HELZ: variants seen among roughly 807,000 people sequenced by gnomAD.
HELZ encodes ATP-dependent RNA helicase with zinc finger domain.
Under a neutral mutation model 218.2 loss-of-function variants are expected in HELZ, and 23 were observed. That is an observed-to-expected ratio of 0.11 (90% CI 0.08 to 0.15). The LOEUF is 0.15. Ranked by LOEUF, HELZ falls within the 10% of genes least tolerant of loss-of-function variation. The probability of loss-of-function intolerance (pLI) is 1.00; values close to 1 mark genes in which losing one functional copy is unlikely to be tolerated. For missense variants in HELZ, 1,813 were observed against 2,353.7 expected (o/e 0.77, Z 4.75); for synonymous variants, 814 against 829.4 (o/e 0.98, Z 0.32).
chr17:67,125,301 T>TAC (rs2037752472), intron 24 of HELZ, among the ~76,000 whole-genome samples: 1 of 18,818 alleles, frequency 5.3e-5, no homozygotes, highest in Non-Finnish European at 1.1e-4. Context: ...TATATATATA[T>TAC]ATATATATAT....
intron 31 of HELZ, among the ~76,000 whole-genome samples, chr17:67,094,434 A>C (rs1406879148): frequency 1.3e-5 from 2 of 151,492 alleles, no homozygotes; most frequent in Non-Finnish European, 2.9e-5. Context: ...GAGATATTGC[A>C]GGTTTGGTGA....
intron 19 of HELZ, 68 bp downstream of exon 19, chr17:67,149,799 A>C (rs2038617760): frequency 4.6e-6 from 4 of 863,854 alleles, no homozygotes; most frequent in Non-Finnish European, 1.8e-6. Flanking sequence ...ATGTTTTAGA[A>C]ATAGAATATT....
rs763035672 is a variant in HELZ at position 67,166,515 on chromosome 17, T to C, written c.1858A>G (p.Ile620Val). The C allele has an allele frequency of 8.7e-6, 14 of 1,613,338 alleles. No homozygotes were observed. The East Asian group carries it at 1.6e-4, about 18-fold the overall frequency. The change falls in exon 15 of 33, where the codon ATC (isoleucine) becomes GTC (valine). Residue 620 changes from isoleucine to valine, a missense_variant. Ile to Val is a conservative substitution (Grantham distance 29). Transcript: ENST00000358691. ...CATGGTATGGTGGGAGTCATACTGA[T>C]GTCTGGAAACAAAACCCCATTGTCC... ...IKDNGVLFPDISMTPTIPWSP... is the reference protein window; with the variant it reads ...IKDNGVLFPDVSMTPTIPWSP...
intron 13 of HELZ, among the ~76,000 whole-genome samples, chr17:67,177,122 A>G (rs1314057684): frequency 2.0e-5 from 3 of 151,706 alleles, no homozygotes; most frequent in Non-Finnish European, 4.4e-5. Context: ...ATGCCTGATT[A>G]TTTAACTTTT....
intron 31 of HELZ, among the ~76,000 whole-genome samples, chr17:67,102,541 T>A (rs1360394665): frequency 6.6e-6 from 1 of 152,218 alleles, no homozygotes; most frequent in Non-Finnish European, 1.5e-5. Flanking sequence ...CTAAGTTTTC[T>A]GGGAATAAAA....
chr17:67,190,593 C>G (rs1402166341), intron 9 of HELZ, among the ~76,000 whole-genome samples: 1 of 152,170 alleles, frequency 6.6e-6, no homozygotes, highest in East Asian at 1.9e-4. Context: ...TTAGGGGATC[C>G]TAAGGCATAG....
chr17:67,155,308 T>A (rs1049096567), intron 17 of HELZ, among the ~76,000 whole-genome samples: 3 of 152,118 alleles, frequency 2.0e-5, no homozygotes, highest in African/African-American at 7.2e-5. Flanking sequence ...GAGGAGCAAG[T>A]GAAATCCAGA....
rs1207774045 is a variant in HELZ, at chr17:67,188,365, T to C, written c.1116A>G (p.Glu372=). The change falls in exon 12 of 33, where the codon GAA becomes GAG. Residue 372 remains glutamate, a synonymous_variant. Transcript: ENST00000358691. The surrounding 1 kb of genome is among the most constrained non-coding windows in gnomAD (Gnocchi z 4.1). ...RQTIVFDFGL[E]PVLMQRVMID... ...TCATTACTCTTTGCATGAGTACTGG[T>C]TCCAATCCAAAGTCGAAAACTATGG... 6.2e-7 allele frequency: 1 copy of C among 1,613,906 alleles called. No individual in the cohort carries two copies. The highest frequency in any genetic ancestry group is 2.2e-5 in the East Asian group (1 of 44,870).
intron 26 of HELZ, among the ~76,000 whole-genome samples, 178 bp downstream of exon 26, chr17:67,122,792 T>C (rs1452610074): frequency 6.6e-6 from 1 of 152,172 alleles, no homozygotes; most frequent in Non-Finnish European, 1.5e-5. Context: ...TAATAACAAA[T>C]TGTAAGCAAC....
chr17:67,240,779 C>A lies in HELZ; in HGVS notation c.-75-1290G>T, dbSNP rs569242479. Among the ~76,000 whole-genome samples the A allele has an allele frequency of 2.6e-5, 4 of 152,314 alleles. No homozygotes were observed. In the South Asian group the frequency reaches 8.3e-4, roughly 32 times the overall value. On this transcript the variant is annotated intron_variant, in intron 2 of 32. Transcript: ENST00000358691. ...ACACTCTGCTTTACCAAACAACTTC[C>A]TGCTCTTACTTGGAGAAACTGACCC...
At chr17:67,223,292 C>A (rs1470593969) in intron 3 of HELZ, among the ~76,000 whole-genome samples, 1 of 151,718 alleles carries the variant, frequency 6.6e-6, no homozygotes, top group African/African-American at 2.4e-5. Context: ...TAAGTTGGGT[C>A]TCTAAGGATT....
chr17:67,124,529 A>G (rs1214693898), intron 24 of HELZ, among the ~76,000 whole-genome samples: 1 of 152,210 alleles, frequency 6.6e-6, no homozygotes, highest in Non-Finnish European at 1.5e-5. Flanking sequence ...TTAAAAAAAC[A>G]AAAACAGGAA....
intron 31 of HELZ, among the ~76,000 whole-genome samples, chr17:67,089,668 T>TATAGAGAGAGAGAGAGAGAGAGAG (rs71293575): frequency 2.8e-5 from 2 of 70,648 alleles, no homozygotes; most frequent in Non-Finnish European, 5.2e-5. Context: ...TATATATATA[T>TATAGAGAGAGAGAGAGAGAGAGAG]AGAGAGAGAG....
intron 3 of HELZ, among the ~76,000 whole-genome samples, chr17:67,233,680 C>G (rs1433320511): frequency 6.6e-6 from 1 of 152,130 alleles, no homozygotes; most frequent in Non-Finnish European, 1.5e-5. Context: ...TCTACAAGCT[C>G]CTTAAACTCA....
intron 13 of HELZ, among the ~76,000 whole-genome samples, chr17:67,171,315 T>C: frequency 6.6e-6 from 1 of 151,916 alleles, no homozygotes; most frequent in South Asian, 2.1e-4. Flanking sequence ...AAACTCAGTA[T>C]ATGCAAAACT....
Position 67,114,320 on chromosome 17 carries a change from A to G in HELZ, c.3918+4T>C, listed in dbSNP as rs2302158. On this transcript the variant is annotated splice_donor_region_variant and intron_variant, in intron 28 of 32. Coordinates refer to ENST00000358691, the MANE Select transcript of HELZ (RefSeq NM_014877.4). ...TAGGACAACACAGTAACTAAGCAGC[A>G]TACCTGTTTTGGTTCTGTTGGCTTT... The G allele has an allele frequency of 0.17, 266,147 of 1,583,786 alleles. 23,337 individuals are homozygous for G. Among genetic ancestry groups the G allele is most frequent in the African/African-American group, 0.24 (17,713 of 74,180 alleles).
At chr17:67,237,200 G>A (rs566883688) in intron 3 of HELZ, among the ~76,000 whole-genome samples, 22 of 152,188 alleles carry the variant, frequency 1.4e-4, no homozygotes, top group Admixed American at 1.3e-3. Flanking sequence ...CAAGAGAATC[G>A]CTTGAACCCA....
chr17:67,093,450 T>C (rs2036634038), intron 31 of HELZ, among the ~76,000 whole-genome samples: 1 of 152,154 alleles, frequency 6.6e-6, no homozygotes, highest in African/African-American at 2.4e-5. Flanking sequence ...AAAAGATTAA[T>C]AATAATAGAC....
Position 67,123,035 on chromosome 17 carries a change from C to T in HELZ, c.3565G>A (p.Gly1189Arg). 1 of 1,613,620 alleles carries T rather than the reference C, an allele frequency of 6.2e-7. No individual in the cohort carries two copies. Among genetic ancestry groups the T allele is most frequent in the Non-Finnish European group, 8.5e-7 (1 of 1,179,582 alleles). Residue 1189 changes from glycine (G) to arginine (R), a missense_variant, in exon 26 of 33, where the codon GGG (glycine) becomes AGG (arginine). Physicochemically the swap from Gly to Arg is moderately radical, Grantham distance 125. This residue lies in a region of HELZ where 938 missense variants were observed against 1,027.5 expected (regional missense o/e 0.91). Transcript: ENST00000358691. ...GCAGGTACATAAAGAATACTTGTCC[C>T]AGTGTGAGGATCTATTCTTTGAACA... Reference protein sequence around the residue: ...SPVQRIDPHTGTSILYVPAVY... With the variant: ...SPVQRIDPHTRTSILYVPAVY...
Sources: gnomAD v4.1 joint callset for allele counts (sites outside exome capture counted in the v4.1 genomes callset) on GRCh38, gnomAD v4.1.1 for gene constraint, gnomAD v4.1.1 regional missense constraint, Gnocchi (gnomAD v3.1) non-coding constraint, MANE v1.5 for transcripts, NCBI Gene and HGNC (gene_info 2026-07-23, HGNC 2026-07-21) for gene names.